CSF2RA: variants seen among roughly 807,000 people sequenced by gnomAD.
CSF2RA encodes granulocyte-macrophage colony-stimulating factor receptor subunit alpha.
Under a neutral mutation model 51.6 loss-of-function variants are expected in CSF2RA, and 42 were observed. The observed-to-expected ratio is 0.81, with a 90% CI of 0.64 to 1.05. The LOEUF is 1.05. Among genes scored for constraint, CSF2RA ranks in the 50% least tolerant of loss-of-function variants. The probability of loss-of-function intolerance (pLI) is 0.00; values close to 1 mark genes in which losing one functional copy is unlikely to be tolerated. For missense variants in CSF2RA, 530 were observed against 501.1 expected, an observed-to-expected ratio of 1.06 and a Z score of -0.55; for synonymous variants, 222 against 193.0, an observed-to-expected ratio of 1.15 and a Z score of -1.24.
At chrX:1,302,491 A>C (rs776652639) in intron 10 of CSF2RA, among the ~76,000 whole-genome samples, 2 of 151,758 alleles carry the variant, frequency 1.3e-5, no homozygotes, top group African/African-American at 4.8e-5. Flanking sequence ...ACCTGTAAGA[A>C]ATTTTTTTTG....
chrX:1,325,156 C>G, the CSF2RA span, among the ~76,000 whole-genome samples: 3 of 150,500 alleles, frequency 2.0e-5, no homozygotes, highest in South Asian at 6.3e-4. Flanking sequence ...GTCGGGAGAT[C>G]GAGACCAGCC....
intron 10 of CSF2RA, chrX:1,303,220 AT>A: frequency 1.0e-5 from 3 of 291,462 alleles, no homozygotes; most frequent in Admixed American, 5.6e-5. Context: ...ATGCTTGGCC[AT>A]TTTTTAAATA....
At chrX:1,272,388 A>T (rs1225573908) in intron 1 of CSF2RA, among the ~76,000 whole-genome samples, 1 of 151,826 alleles carries the variant, frequency 6.6e-6, no homozygotes, top group African/African-American at 2.4e-5. Flanking sequence ...GTACAAAAAA[A>T]AAAAGGTTAT....
Position 1,282,746 on chromosome X carries a change from C to G in CSF2RA, c.43C>G (p.His15Asp). Residue 15 changes from histidine (H) to aspartate (D), a missense_variant, in exon 3 of 13, where the codon CAC (histidine) becomes GAC (aspartate). By Grantham distance (81) the His-to-Asp change is moderately conservative. Transcript: ENST00000381529. ...VTSLLLCELPHPAFLLIPEKS... is the reference protein window; with the variant it reads ...VTSLLLCELPDPAFLLIPEKS... ...AAGCCTTCTGCTCTGTGAGTTACCA[C>G]ACCCAGCATTCCTCCTGATCCCAGA... The G allele has an allele frequency of 6.2e-7, 1 of 1,613,910 alleles. No individual in the cohort carries two copies. The highest frequency in any genetic ancestry group is 8.5e-7 in the Non-Finnish European group (1 of 1,179,818).
At chrX:1,293,510 C>T (rs1407017006) in intron 7 of CSF2RA, among the ~76,000 whole-genome samples, 1 of 141,934 alleles carries the variant, frequency 7.0e-6, no homozygotes, top group Admixed American at 7.0e-5. Flanking sequence ...TGAGCCACCG[C>T]GCCCAGCCCC....
chrX:1,286,291 G>A lies in CSF2RA; in HGVS notation c.219+371G>A, dbSNP rs781751826. Among the ~76,000 whole-genome samples, 35 of 148,612 alleles carry A rather than the reference G, an allele frequency of 2.4e-4. No individual in the cohort carries two copies. In the South Asian group the frequency reaches 4.7e-3, roughly 20 times the overall value. On this transcript the variant is annotated intron_variant, in intron 4 of 12. Coordinates refer to ENST00000381529, the MANE Select transcript of CSF2RA (RefSeq NM_172245.4). ...CTGTCTCATAAAATGCAATAAGGCC[G>A]GGTGTGGTGGCTCACGCTTGTCATC...
chrX:1,316,027 C>CATAGACCAATAG, the CSF2RA span, among the ~76,000 whole-genome samples: 1 of 106,490 alleles, frequency 9.4e-6, no homozygotes, highest in African/African-American at 3.1e-5. Context: ...TAGATAGATA[C>CATAGACCAATAG]ATAGATAGAC....
chrX:1,308,009 A>G (rs2083848908), intron 12 of CSF2RA, among the ~76,000 whole-genome samples: 1 of 144,426 alleles, frequency 6.9e-6, no homozygotes, highest in African/African-American at 2.7e-5. Flanking sequence ...CCCCCTTTAG[A>G]CCTTCAACTG....
the CSF2RA span, among the ~76,000 whole-genome samples, chrX:1,316,295 TA>T: frequency 6.9e-6 from 1 of 145,480 alleles, no homozygotes; most frequent in Non-Finnish European, 1.5e-5. Flanking sequence ...GATAGATAGA[TA>T]GATAGATAGA....
intron 9 of CSF2RA, among the ~76,000 whole-genome samples, chrX:1,297,788 CCCTACAGTCCCCTACCCATGACCCCTGGT>C (rs2092065097): frequency 1.1e-5 from 1 of 94,386 alleles, no homozygotes; most frequent in East Asian, 3.2e-4. Flanking sequence ...CCCGGTGGAA[CCCTACAGTCCCCTACCCATGACCCCTGGT>C]GGAACCCTAC....
At chrX:1,318,169 A>G in the CSF2RA span, among the ~76,000 whole-genome samples, 6 of 137,486 alleles carry the variant, frequency 4.4e-5, no homozygotes, top group East Asian at 8.6e-4. Flanking sequence ...TTTTTTTTTA[A>G]CTTTTTTTTT....
chrX:1,309,753 C>A lies in CSF2RA; in HGVS notation c.*274C>A. 1.5e-6 allele frequency: 1 copy of A among 681,690 alleles called. No individual in the cohort carries two copies. Among genetic ancestry groups the A allele is most frequent in the Admixed American group, 2.3e-5 (1 of 42,948 alleles). 42.2% of individuals were successfully genotyped at this position (681,690 alleles called of 1,614,324 possible). A position where few individuals can be genotyped will look rare whatever the true frequency, so the allele number is the denominator to read the frequency against. ...AATGCAGAAATTTACCCAGGCACGG[C>A]GGCGGACGCCCATCATCCCAGCTAC... is the stretch of plus-strand genomic sequence containing the variant. On this transcript the variant is annotated 3_prime_UTR_variant, in exon 13 of 13. Coordinates refer to ENST00000381529, the MANE Select transcript of CSF2RA (RefSeq NM_172245.4).
the CSF2RA span, among the ~76,000 whole-genome samples, chrX:1,318,232 T>C: frequency 6.6e-6 from 1 of 150,546 alleles, no homozygotes; most frequent in Non-Finnish European, 1.5e-5. Context: ...GGCGTGATCT[T>C]GGCTCACTGC....
intron 6 of CSF2RA, among the ~76,000 whole-genome samples, chrX:1,290,100 T>A (rs1239963850): frequency 6.6e-6 from 1 of 151,790 alleles, no homozygotes; most frequent in Admixed American, 6.6e-5. Flanking sequence ...GTTTTGTGTT[T>A]GTTTTTGTTT....
chrX:1,269,042 G>GC (rs1569485691), intron 1 of CSF2RA, among the ~76,000 whole-genome samples, 163 bp downstream of exon 1: 1 of 152,058 alleles, frequency 6.6e-6, no homozygotes, highest in Non-Finnish European at 1.5e-5. Context: ...AAGACTGAGA[G>GC]CCAAGGAACC....
chrX:1,279,773 A>G (rs1458370556), intron 2 of CSF2RA, among the ~76,000 whole-genome samples: 1 of 85,738 alleles, frequency 1.2e-5, no homozygotes, highest in Non-Finnish European at 2.1e-5. Flanking sequence ...TGAGAGACAC[A>G]ACCGTTTTTT....
chrX:1,275,254 A>G (rs57033791), intron 2 of CSF2RA, among the ~76,000 whole-genome samples: 58,271 of 151,432 alleles, frequency 0.38, 11,572 homozygotes, highest in Non-Finnish European at 0.45. Flanking sequence ...AGCCGGGTGT[A>G]GTGGCAGTTG....
chrX:1,316,333 G>C, the CSF2RA span, among the ~76,000 whole-genome samples: 1 of 152,014 alleles, frequency 6.6e-6, no homozygotes, highest in African/African-American at 2.4e-5. Flanking sequence ...GAGGTAGTTG[G>C]GATCTATCTG....
downstream of CSF2RA, chrX:1,310,184 C>G: frequency 5.3e-6 from 1 of 189,756 alleles, no homozygotes; most frequent in Non-Finnish European, 1.1e-5. Context: ...AAGACCCCAT[C>G]TCTCTGTCTC....
Sources: gnomAD v4.1 joint callset for allele counts (sites outside exome capture counted in the v4.1 genomes callset) on GRCh38, gnomAD v4.1.1 for gene constraint, MANE v1.5 for transcripts, NCBI Gene and HGNC (gene_info 2026-07-23, HGNC 2026-07-21) for gene names.